Variants in ZNF362 observed in about 807,000 individuals in gnomAD.
The protein encoded by ZNF362 is rotund homolog.
ZNF362 carries 11 observed loss-of-function variants against 42.9 expected under a neutral mutation model. The ratio of observed to expected loss-of-function variants is 0.26; its 90% CI spans 0.16 to 0.42. ZNF362 has a LOEUF of 0.42. Among genes scored for constraint, ZNF362 ranks in the 20% least tolerant of loss-of-function variants. The probability of loss-of-function intolerance (pLI) is 1.00; values close to 1 mark genes in which losing one functional copy is unlikely to be tolerated. For synonymous variants in ZNF362, 255 were observed against 257.3 expected, an observed-to-expected ratio of 0.99 and a Z score of 0.09; for missense variants, 362 against 576.2, an observed-to-expected ratio of 0.63 and a Z score of 3.81.
chr1:33,279,259 A>G (rs1645973097), intron 4 of ZNF362, among the ~76,000 whole-genome samples: 1 of 152,138 alleles, frequency 6.6e-6, no homozygotes, highest in Non-Finnish European at 1.5e-5. Context: ...TTCTGGGCTC[A>G]AGTGATACTC....
the ZNF362 span, among the ~76,000 whole-genome samples, chr1:33,211,064 G>C: frequency 6.3e-4 from 96 of 151,938 alleles, 1 homozygote; most frequent in African/African-American, 2.3e-3. Flanking sequence ...CTCCCGAGTA[G>C]CTGGGACTAC....
chr1:33,166,698 G>A, the ZNF362 span, among the ~76,000 whole-genome samples: 2 of 152,098 alleles, frequency 1.3e-5, no homozygotes, highest in African/African-American at 4.8e-5. Flanking sequence ...TTGATGCCAG[G>A]TGACACGTTT....
At chr1:33,215,611 A>T in the ZNF362 span, among the ~76,000 whole-genome samples, 2 of 152,186 alleles carry the variant, frequency 1.3e-5, no homozygotes, top group East Asian at 1.9e-4. Flanking sequence ...CTGGATCAGT[A>T]CATTGCCCTA....
At chr1:33,267,171 G>T (rs6703350) in intron 1 of ZNF362, among the ~76,000 whole-genome samples, 67,171 of 151,934 alleles carry the variant, frequency 0.44, 15,996 homozygotes, top group East Asian at 0.67. Context: ...GGGGTGTCTT[G>T]CTTTGTCAAA....
chr1:33,222,122 G>C, the ZNF362 span, among the ~76,000 whole-genome samples: 2 of 152,222 alleles, frequency 1.3e-5, no homozygotes, highest in South Asian at 4.1e-4. Context: ...TCTCATGTTT[G>C]CTTAAGCCAG....
Position 33,295,231 on chromosome 1 carries a change from A to C in ZNF362, c.1072A>C (p.Ile358Leu), listed in dbSNP as rs778997210. Reference sequence around the variant, plus strand: ...CTATTCGGACTCCGCTTCTTTGCAGATCCACCTCTCGGCCCACGCCATCAA... The same window carrying C: ...CTATTCGGACTCCGCTTCTTTGCAGCTCCACCTCTCGGCCCACGCCATCAA... Reference protein sequence around the residue: ...RAYSDSASLQIHLSAHAIKHA... With the variant: ...RAYSDSASLQLHLSAHAIKHA... Residue 358 changes from isoleucine (I) to leucine (L), a missense_variant, in exon 8 of 9, where the codon ATC (isoleucine) becomes CTC (leucine). This residue lies in a region of ZNF362 where 68 missense variants were observed against 107.4 expected (regional missense o/e 0.63). Coordinates refer to ENST00000539719, the MANE Select transcript of ZNF362 (RefSeq NM_152493.3). 1 of 1,614,170 alleles carries C rather than the reference A, an allele frequency of 6.2e-7. No individual in the cohort carries two copies. The highest frequency in any genetic ancestry group is 1.1e-5 in the South Asian group (1 of 91,078).
At chr1:33,290,826 A>AT (rs1646072095) in intron 6 of ZNF362, among the ~76,000 whole-genome samples, 1 of 152,100 alleles carries the variant, frequency 6.6e-6, no homozygotes, top group Non-Finnish European at 1.5e-5. Context: ...GATGATGAGC[A>AT]TTTTTTCATA....
chr1:33,180,953 T>TGGGGGGGGGGGGG, the ZNF362 span: 2 of 724,330 alleles, frequency 2.8e-6, no homozygotes, highest in Non-Finnish European at 3.9e-6. Flanking sequence ...GGTCCAGCCC[T>TGGGGGGGGGGGGG]GACCCCACCC....
the ZNF362 span, among the ~76,000 whole-genome samples, chr1:33,217,647 T>C: frequency 6.6e-6 from 1 of 152,172 alleles, no homozygotes; most frequent in Non-Finnish European, 1.5e-5. Flanking sequence ...TAAAATAATA[T>C]AGACTCATTA....
rs1257978592 is a variant in ZNF362, at chr1:33,300,661, A to T, written c.*1615A>T. 6.6e-6 allele frequency: 1 copy of T among 152,168 alleles called. No individual in the cohort carries two copies. Among genetic ancestry groups the T allele is most frequent in the Non-Finnish European group, 1.5e-5 (1 of 68,038 alleles). The allele number at this position is 152,168 out of a possible 1,614,324, so 9.4% of individuals were successfully genotyped here. A position where few individuals can be genotyped will look rare whatever the true frequency, so the allele number is the denominator to read the frequency against. On this transcript the variant is annotated 3_prime_UTR_variant, in exon 9 of 9. Coordinates refer to ENST00000539719, the MANE Select transcript of ZNF362 (RefSeq NM_152493.3). ...AAAGGGGGCAAGAAACAAAGGAATT[A>T]CAAACCCTCTGCTCTTTGTATTTCT... is the stretch of plus-strand genomic sequence containing the variant.
rs1311845120 is a variant in ZNF362 at position 33,266,189 on chromosome 1, C to T, written c.-88-4298C>T. ...TATGTTTGAGAAACCTTTGCTCTCCCAGGGAGTTAACAGTTTTCCAGCTTC... is the reference window on the plus strand; with the variant it reads ...TATGTTTGAGAAACCTTTGCTCTCCTAGGGAGTTAACAGTTTTCCAGCTTC... On this transcript the variant is annotated intron_variant, in intron 1 of 8. Coordinates refer to ENST00000539719, the MANE Select transcript of ZNF362 (RefSeq NM_152493.3). The surrounding 1 kb of genome is among the most constrained non-coding windows in gnomAD (Gnocchi z 4.3). Among the ~76,000 whole-genome samples the T allele has an allele frequency of 6.6e-6, 1 of 152,190 alleles. No individual in the cohort carries two copies. Among genetic ancestry groups the T allele is most frequent in the Non-Finnish European group, 1.5e-5 (1 of 68,046 alleles).
the ZNF362 span, among the ~76,000 whole-genome samples, chr1:33,203,027 CA>C: frequency 6.6e-6 from 1 of 152,120 alleles, no homozygotes; most frequent in African/African-American, 2.4e-5. Flanking sequence ...ACAAAAATCT[CA>C]AATATAATAC....
the ZNF362 span, among the ~76,000 whole-genome samples, chr1:33,179,254 C>T: frequency 6.6e-6 from 1 of 152,220 alleles, no homozygotes; most frequent in Non-Finnish European, 1.5e-5. Context: ...GAGGCCCAGG[C>T]CCTTGCTCAC....
chr1:33,242,986 T>C, the ZNF362 span, among the ~76,000 whole-genome samples: 1 of 152,206 alleles, frequency 6.6e-6, no homozygotes, highest in East Asian at 1.9e-4. Context: ...TTCTGTTTAA[T>C]ATTTATGTTT....
chr1:33,299,321 C>A lies in ZNF362; in HGVS notation c.*275C>A. ...AGTTTTCTTTTTGTTCCCCACCCTT[C>A]ACTTGCTTCACTGTTTTTTTTTTTT... On this transcript the variant is annotated 3_prime_UTR_variant, in exon 9 of 9. Transcript: ENST00000539719. 7 of 283,950 alleles carry A rather than the reference C, an allele frequency of 2.5e-5. No homozygotes were observed. The highest frequency in any genetic ancestry group is 2.6e-5 in the Non-Finnish European group (4 of 154,618). 17.6% of individuals were successfully genotyped at this position (283,950 alleles called of 1,614,324 possible).
the ZNF362 span, among the ~76,000 whole-genome samples, chr1:33,236,550 A>AAAAAAAAAATATATATATATATAT: frequency 2.3e-3 from 14 of 5,968 alleles, no homozygotes; most frequent in Non-Finnish European, 3.7e-3. Context: ...AAAAAAAAAA[A>AAAAAAAAAATATATATATATATAT]ATATATATAT....
the ZNF362 span, among the ~76,000 whole-genome samples, chr1:33,157,175 C>A: frequency 6.6e-6 from 1 of 152,182 alleles, no homozygotes; most frequent in Non-Finnish European, 1.5e-5. Context: ...GGCCTACAGA[C>A]CCTCGTGGTG....
chr1:33,215,542 A>G, the ZNF362 span, among the ~76,000 whole-genome samples: 7 of 152,186 alleles, frequency 4.6e-5, no homozygotes, highest in Admixed American at 1.3e-4. Context: ...AAGAAATGAT[A>G]AATGCTCGAG....
At chr1:33,191,861 A>T in the ZNF362 span, among the ~76,000 whole-genome samples, 7 of 152,188 alleles carry the variant, frequency 4.6e-5, no homozygotes, top group Non-Finnish European at 7.3e-5. Context: ...ATTTAACCCT[A>T]GTGATTGACC....
Sources: allele counts gnomAD v4.1 joint callset (sites outside exome capture counted in the v4.1 genomes callset), GRCh38; gene constraint gnomAD v4.1.1; regional missense constraint gnomAD v4.1.1; non-coding constraint Gnocchi (gnomAD v3.1); transcripts MANE v1.5; gene names NCBI Gene and HGNC (gene_info 2026-07-23, HGNC 2026-07-21).